MGAM: variants seen among roughly 807,000 people sequenced by gnomAD.
The protein encoded by MGAM is maltase-glucoamylase.
In MGAM, 253 loss-of-function variants were observed where a neutral mutation model predicts 358.8. That is an observed-to-expected ratio of 0.71 (90% CI 0.64 to 0.78). The LOEUF (loss-of-function observed/expected upper bound fraction) is 0.78, where lower values mean the gene tolerates loss of function less well. MGAM is among the 30% of genes least tolerant of loss of function. MGAM has a pLI of 0.00. For missense variants in MGAM, 3,080 were observed against 3,432.6 expected, an observed-to-expected ratio of 0.90 and a Z score of 2.57; for synonymous variants, 1,105 against 1,227.1, an observed-to-expected ratio of 0.90 and a Z score of 2.08.
rs529530354 is a variant in MGAM at position 142,007,603 on chromosome 7, CT to C, written c.128-902del. ...TGAAAAGAAAACCAATCAAAAGACACTGTTTTGTCTTAATGTCATTATTAAT... is the reference window on the plus strand; with the variant it reads ...TGAAAAGAAAACCAATCAAAAGACACGTTTTGTCTTAATGTCATTATTAAT... On this transcript the variant is annotated intron_variant, in intron 2 of 70. Transcript: ENST00000475668. Among the ~76,000 whole-genome samples, 146 of 152,234 alleles carry C rather than the reference CT, an allele frequency of 9.6e-4. No individual in the cohort carries two copies. The Middle Eastern group carries it at 0.014, about 14-fold the overall frequency.
chr7:142,094,655 G>A lies in MGAM; in HGVS notation c.7341+1G>A. 6.2e-7 allele frequency: 1 copy of A among 1,611,884 alleles called. No homozygotes were observed. Among genetic ancestry groups the A allele is most frequent in the Non-Finnish European group, 8.5e-7 (1 of 1,179,068 alleles). ...GTTCAGCCTCTTCGGCATATCCTATGTGAGTGTCCTTGGGATCCTCCTAAG... is the reference window on the plus strand; with the variant it reads ...GTTCAGCCTCTTCGGCATATCCTATATGAGTGTCCTTGGGATCCTCCTAAG... On this transcript the variant is annotated splice_donor_variant, in intron 62 of 70. Coordinates refer to ENST00000475668, the MANE Select transcript of MGAM (RefSeq NM_001365693.1). LOFTEE classifies it high-confidence loss of function.
intron 70 of MGAM, among the ~76,000 whole-genome samples, chr7:142,104,193 C>T (rs1585122697): frequency 6.6e-6 from 1 of 152,190 alleles, no homozygotes; most frequent in East Asian, 1.9e-4. Context: ...TTTGAAACTT[C>T]TTTAGCCATA....
chr7:142,055,547 T>C lies in MGAM; in HGVS notation c.3315-11T>C. 6.2e-7 allele frequency: 1 copy of C among 1,613,928 alleles called. No individual in the cohort carries two copies. The highest frequency in any genetic ancestry group is 1.1e-5 in the South Asian group (1 of 91,076). ...CATTTTCTGTTTCAAATCTGCGTTT[T>C]TGTGTTTCAGTTGGGACTCTCAGCT... is the stretch of plus-strand genomic sequence containing the variant. On this transcript the variant is annotated splice_polypyrimidine_tract_variant and intron_variant, in intron 27 of 70. Transcript: ENST00000475668.
In MGAM at chr7:142,092,002, T is replaced by A; in HGVS notation, c.6900T>A (p.Asn2300Lys). The A allele has an allele frequency of 6.5e-7, 1 of 1,534,348 alleles. No individual in the cohort carries two copies. Among genetic ancestry groups the A allele is most frequent in the South Asian group, 1.2e-5 (1 of 85,984 alleles). ...GGGAAATAGAAGAACTATACAACAA[T>A]CCACAGAATCCAGAGAGGAGCTTGA... ...WKREIEELYN[N>K]PQNPERSLKF... The change falls in exon 58 of 71, where the codon AAT (asparagine) becomes AAA (lysine). Residue 2300 changes from asparagine to lysine, a missense_variant. By Grantham distance (94) the Asn-to-Lys change is moderately conservative (BLOSUM62 0). Transcript: ENST00000475668.
chr7:142,101,253 C>G (rs1816418104), intron 68 of MGAM, among the ~76,000 whole-genome samples: 1 of 152,012 alleles, frequency 6.6e-6, no homozygotes, highest in Non-Finnish European at 1.5e-5. Context: ...ATACCTCTAT[C>G]CGTTGTATTA....
At chr7:142,025,382 G>A (rs1449067265) in intron 8 of MGAM, among the ~76,000 whole-genome samples, 2 of 152,082 alleles carry the variant, frequency 1.3e-5, no homozygotes, top group Non-Finnish European at 2.9e-5. Context: ...GGCCTCTGTT[G>A]GAATATTTTC....
intron 21 of MGAM, among the ~76,000 whole-genome samples, chr7:142,045,681 T>G (rs183509850): frequency 1.0e-5 from 1 of 95,392 alleles, no homozygotes; most frequent in Non-Finnish European, 1.7e-5. Context: ...ATATAATATA[T>G]ATTATATACA....
At chr7:142,064,252 C>T in intron 36 of MGAM, 132 bp from the exon 37 acceptor site, 1 of 1,360,826 alleles carries the variant, frequency 7.3e-7, no homozygotes, top group African/African-American at 1.4e-5. Flanking sequence ...GTGCTCATGT[C>T]TCTGGGGAGA....
Position 142,059,866 on chromosome 7 carries a change from T to C in MGAM, c.3959T>C (p.Ile1320Thr). 1 of 1,609,452 alleles carries C rather than the reference T, an allele frequency of 6.2e-7. No homozygotes were observed. The highest frequency in any genetic ancestry group is 1.1e-5 in the South Asian group (1 of 89,916). ...ATGCTTTGATTTCAGGATCCAGCCA[T>C]TTCTGGCAATGAGACACAGCCTTAT... ...MRVILILDPA[I>T]SGNETQPYPA... Residue 1320 changes from isoleucine (I) to threonine (T), a missense_variant, in exon 33 of 71, where the codon ATT (isoleucine) becomes ACT (threonine). This residue lies in a region of MGAM where 1,816 missense variants were observed against 1,840.5 expected (regional missense o/e 0.99). Coordinates refer to ENST00000475668, the MANE Select transcript of MGAM (RefSeq NM_001365693.1).
In MGAM at chr7:142,071,245, TG is replaced by T. The variant is rs1813324800; in HGVS notation, c.5186+128del. On this transcript the variant is annotated intron_variant, in intron 44 of 70. Coordinates refer to ENST00000475668, the MANE Select transcript of MGAM (RefSeq NM_001365693.1). The stretch of plus-strand genomic sequence containing the variant: ...TTCTACTCAACACTTGTTTTTTCTT[TG>T]TTTTGTTGTTTGTGTGTTAATCTTT... The T allele has an allele frequency of 1.0e-5, 12 of 1,166,224 alleles. 2 individuals carry two copies. Among genetic ancestry groups the T allele is most frequent in the Non-Finnish European group, 1.3e-5 (11 of 849,784 alleles). 72.2% of individuals were successfully genotyped at this position (1,166,224 alleles called of 1,614,324 possible). A position where few individuals can be genotyped will look rare whatever the true frequency, so the allele number is the denominator to read the frequency against.
chr7:142,013,666 C>T (rs547778354), intron 3 of MGAM, among the ~76,000 whole-genome samples: 2 of 152,104 alleles, frequency 1.3e-5, no homozygotes, highest in Admixed American at 1.3e-4. Context: ...CTTTTTTATA[C>T]AAAAATATGT....
At position 142,091,768 on chromosome 7, in the gene MGAM, T is replaced by G. The variant is rs144329862; in HGVS notation, c.6811-145T>G. The stretch of plus-strand genomic sequence containing the variant: ...CTCCTCTCATTCTACATTTCTCTAA[T>G]AAGTTAATAACATTATTTAGGCCCT... On this transcript the variant is annotated intron_variant, in intron 57 of 70. Transcript: ENST00000475668. 3,613 of 889,512 alleles carry G rather than the reference T, an allele frequency of 4.1e-3. 217 individuals carry two copies. The African/African-American group carries it at 0.05, about 12-fold the overall frequency. The allele number at this position is 889,512 out of a possible 1,614,324, so 55.1% of individuals were successfully genotyped here.
intron 21 of MGAM, among the ~76,000 whole-genome samples, chr7:142,041,615 T>A (rs1187089691): frequency 1.3e-5 from 2 of 151,610 alleles, no homozygotes; most frequent in Non-Finnish European, 2.9e-5. Flanking sequence ...GGTTTCACGT[T>A]ACTTTAACAA....
At position 142,048,390 on chromosome 7, in the gene MGAM, T is replaced by C. The variant is rs547934940; in HGVS notation, c.2587+517T>C. ...ATCTCGATCTCCTAAATTCGTAATC[T>C]GCCCGGCTCGGCCCCCCAAAGTGCT... On this transcript the variant is annotated intron_variant, in intron 22 of 70. Transcript: ENST00000475668. Among the ~76,000 whole-genome samples the C allele has an allele frequency of 3.3e-5, 5 of 151,896 alleles. No individual in the cohort carries two copies. In the South Asian group the frequency reaches 1.0e-3, roughly 32 times the overall value.
At chr7:142,044,550 TATATTATATACAC>T (rs1405948802) in intron 21 of MGAM, among the ~76,000 whole-genome samples, 27 of 135,924 alleles carry the variant, frequency 2.0e-4, no homozygotes, top group Non-Finnish European at 2.9e-4. Flanking sequence ...ATATATAATG[TATATTATATACAC>T]GTGTAATATA....
chr7:142,029,861 A>C (rs1347808435), intron 10 of MGAM, among the ~76,000 whole-genome samples: 1 of 152,160 alleles, frequency 6.6e-6, no homozygotes, highest in East Asian at 1.9e-4. Context: ...GGTACATTTT[A>C]TTCTGGGCTT....
Position 142,103,290 on chromosome 7 carries a change from A to G in MGAM, c.8035A>G (p.Ile2679Val), listed in dbSNP as rs140217455. ...ASQNTMQSHI[I>V]FNNYITGTNP... ...ACAGAATACGATGCAAAGCCATATA[A>G]TTTTCAACAATTACATCACTGGTAC... The change falls in exon 70 of 71, where the codon ATT (isoleucine) becomes GTT (valine). Residue 2679 changes from isoleucine (I) to valine (V), a missense_variant. Ile to Val is a conservative substitution (Grantham distance 29, BLOSUM62 3). This residue lies in a region of MGAM where 194 missense variants were observed against 172.8 expected (regional missense o/e 1.12). Transcript: ENST00000475668. 3,937 of 1,608,974 alleles carry G rather than the reference A, an allele frequency of 2.4e-3. 9 individuals carry two copies. Among genetic ancestry groups the G allele is most frequent in the Non-Finnish European group, 3.0e-3 (3,563 of 1,178,110 alleles).
At chr7:142,097,064 G>C (rs1027757990) in intron 65 of MGAM, among the ~76,000 whole-genome samples, 2 of 151,976 alleles carry the variant, frequency 1.3e-5, no homozygotes, top group African/African-American at 4.8e-5. Flanking sequence ...GAGTAGCTAG[G>C]ACTACAGGCA....
intron 19 of MGAM, 141 bp from the exon 20 acceptor site, chr7:142,039,974 T>C: frequency 1.6e-6 from 1 of 608,732 alleles, no homozygotes; most frequent in Non-Finnish European, 2.9e-6. Flanking sequence ...GTTTCTATTA[T>C]TTGTATTAGA....
Sources: allele counts gnomAD v4.1 joint callset (sites outside exome capture counted in the v4.1 genomes callset), GRCh38; gene constraint gnomAD v4.1.1; regional missense constraint gnomAD v4.1.1; transcripts MANE v1.5; gene names NCBI Gene and HGNC (gene_info 2026-07-23, HGNC 2026-07-21).